DPP6: variants seen among roughly 807,000 people sequenced by gnomAD.
DPP6 encodes the protein A-type potassium channel modulatory protein DPP6.
DPP6 carries 69 observed loss-of-function variants against 122.6 expected under a neutral mutation model. The observed-to-expected ratio is 0.56, with a 90% CI of 0.46 to 0.69. The LOEUF is 0.69. Ranked by LOEUF, DPP6 falls within the 30% of genes least tolerant of loss-of-function variation. The pLI is 0.00. For synonymous variants in DPP6, 418 were observed against 433.1 expected (o/e 0.97, Z 0.43); for missense variants, 928 against 1,116.9 (o/e 0.83, Z 2.41).
chr7:154,597,889 T>C (rs1206731446), intron 5 of DPP6, among the ~76,000 whole-genome samples: 2 of 152,138 alleles, frequency 1.3e-5, no homozygotes, highest in African/African-American at 4.8e-5. Flanking sequence ...GGTGCTCTCC[T>C]TGTGTGCATG....
At chr7:154,705,490 C>G (rs1256413742) in intron 7 of DPP6, among the ~76,000 whole-genome samples, 1 of 152,216 alleles carries the variant, frequency 6.6e-6, no homozygotes, top group Admixed American at 6.5e-5. Context: ...AGGTCTGTAT[C>G]ATTCCAGTGC....
intron 1 of DPP6, among the ~76,000 whole-genome samples, chr7:154,380,153 A>C (rs1355684395): frequency 1.3e-5 from 2 of 152,240 alleles, no homozygotes; most frequent in Non-Finnish European, 2.9e-5. Flanking sequence ...TAGATGCAAA[A>C]GACATTTTGA....
chr7:154,526,496 TGTG>T lies in DPP6; in HGVS notation c.458-14033_458-14031del, dbSNP rs1827417128. On this transcript the variant is annotated intron_variant, in intron 3 of 25. Coordinates refer to ENST00000377770, the MANE Select transcript of DPP6 (RefSeq NM_130797.4). ...TCCAACACAGTACCCACCAGCTATA[TGTG>T]GTTACTGAGAACTTGAAATGTGTCT... is the stretch of plus-strand genomic sequence containing the variant. 2.6e-5 allele frequency among the ~76,000 whole-genome samples: 4 copies of T among 152,204 alleles called. No homozygotes were observed. The South Asian group carries it at 8.3e-4, about 31-fold the overall frequency.
chr7:154,830,562 G>A (rs1454131239), intron 16 of DPP6, among the ~76,000 whole-genome samples: 1 of 152,224 alleles, frequency 6.6e-6, no homozygotes, highest in Non-Finnish European at 1.5e-5. Context: ...CCAGCAAGGT[G>A]GTTTCTTGAA....
At chr7:154,687,064 T>C (rs1017488557) in intron 7 of DPP6, among the ~76,000 whole-genome samples, 4 of 122,174 alleles carry the variant, frequency 3.3e-5, no homozygotes, top group African/African-American at 1.3e-4. Context: ...AGACAGTATC[T>C]ATACTCATGT....
At chr7:153,775,963 G>A in the DPP6 span, among the ~76,000 whole-genome samples, 1 of 151,940 alleles carries the variant, frequency 6.6e-6, no homozygotes, top group Non-Finnish European at 1.5e-5. Flanking sequence ...TCTTTGTTTG[G>A]GAGATCTAAT....
At chr7:154,822,119 G>A (rs941736774) in intron 16 of DPP6, among the ~76,000 whole-genome samples, 4 of 151,844 alleles carry the variant, frequency 2.6e-5, no homozygotes, top group South Asian at 2.1e-4. Flanking sequence ...TTGCCTTTAC[G>A]CCGTTGCATC....
the DPP6 span, among the ~76,000 whole-genome samples, chr7:153,843,534 G>C: frequency 6.6e-6 from 1 of 152,080 alleles, no homozygotes; most frequent in African/African-American, 2.4e-5. Context: ...TCCTGGACCT[G>C]AGATGCCACC....
chr7:153,841,136 G>A, the DPP6 span, among the ~76,000 whole-genome samples: 13 of 152,240 alleles, frequency 8.5e-5, no homozygotes, highest in South Asian at 2.1e-4. Context: ...AATACCACTC[G>A]TTTCACCTTA....
At chr7:154,248,868 G>GAAAAAAAAA (rs542936174) in intron 1 of DPP6, among the ~76,000 whole-genome samples, 4 of 140,932 alleles carry the variant, frequency 2.8e-5, no homozygotes, top group African/African-American at 1.0e-4. Flanking sequence ...TCCGTCTCAG[G>GAAAAAAAAA]AAAAAAAAAA....
intron 1 of DPP6, among the ~76,000 whole-genome samples, chr7:154,349,804 C>T (rs965573554): frequency 1.3e-5 from 2 of 151,940 alleles, no homozygotes; most frequent in African/African-American, 4.8e-5. Context: ...TCTCAGTACC[C>T]AAGTGCTGAA....
At chr7:153,842,016 AAAG>A in the DPP6 span, among the ~76,000 whole-genome samples, 21 of 152,222 alleles carry the variant, frequency 1.4e-4, no homozygotes, top group African/African-American at 5.1e-4. Context: ...ATCCAGTGGC[AAAG>A]AAGAAGAAAC....
chr7:154,654,916 A>G (rs915620832), intron 6 of DPP6, among the ~76,000 whole-genome samples: 13 of 152,232 alleles, frequency 8.5e-5, no homozygotes, highest in Non-Finnish European at 1.8e-4. Context: ...TAAATGCTAC[A>G]TGAGTTTAAG....
intron 1 of DPP6, among the ~76,000 whole-genome samples, chr7:154,097,021 G>T (rs2533620): frequency 6.6e-6 from 1 of 151,254 alleles, no homozygotes; most frequent in African/African-American, 2.4e-5. Flanking sequence ...GTAGGTAGAG[G>T]TGATGGGATG....
intron 16 of DPP6, among the ~76,000 whole-genome samples, chr7:154,822,983 T>G (rs1418808017): frequency 6.6e-6 from 1 of 152,196 alleles, no homozygotes; most frequent in Non-Finnish European, 1.5e-5. Flanking sequence ...TTTAAATGGA[T>G]GAATAAAAGC....
At chr7:154,177,098 T>G (rs1441825035) in intron 1 of DPP6, among the ~76,000 whole-genome samples, 1 of 152,166 alleles carries the variant, frequency 6.6e-6, no homozygotes, top group Admixed American at 6.5e-5. Flanking sequence ...CCTTCCAAAG[T>G]GCTGGGTTTA....
chr7:154,592,990 A>T (rs1043193931), intron 5 of DPP6, among the ~76,000 whole-genome samples: 6 of 152,124 alleles, frequency 3.9e-5, no homozygotes, highest in Non-Finnish European at 7.4e-5. Context: ...TGCAGGCGTC[A>T]CCCAGGCTGC....
At chr7:154,194,147 A>T (rs1798747210) in intron 1 of DPP6, among the ~76,000 whole-genome samples, 1 of 152,090 alleles carries the variant, frequency 6.6e-6, no homozygotes, top group Non-Finnish European at 1.5e-5. Context: ...TCACTGTGAA[A>T]CCCGTCCCAT....
chr7:154,861,624 T>C (rs943795575), intron 17 of DPP6, among the ~76,000 whole-genome samples: 3 of 152,242 alleles, frequency 2.0e-5, no homozygotes, highest in Admixed American at 1.3e-4. Context: ...ATGGAATTAT[T>C]ATCATAATTA....
Sources: gnomAD v4.1 joint callset for allele counts (sites outside exome capture counted in the v4.1 genomes callset) on GRCh38, gnomAD v4.1.1 for gene constraint, MANE v1.5 for transcripts, NCBI Gene and HGNC (gene_info 2026-07-23, HGNC 2026-07-21) for gene names.